The following KCNIP4 variants were observed in gnomAD, a reference collection of about 807,000 sequenced individuals.
KCNIP4 encodes the protein Kv channel-interacting protein 4.
A neutral mutation model predicts 34.0 loss-of-function variants in KCNIP4; 12 were observed. The observed-to-expected ratio is 0.35, with a 90% CI of 0.23 to 0.57. The LOEUF (loss-of-function observed/expected upper bound fraction) is 0.57, where lower values mean the gene tolerates loss of function less well. Among genes scored for constraint, KCNIP4 ranks in the 20% least tolerant of loss-of-function variants. The probability of loss-of-function intolerance (pLI) is 0.83; values close to 1 mark genes in which losing one functional copy is unlikely to be tolerated. For missense variants in KCNIP4, 238 were observed against 311.7 expected, an observed-to-expected ratio of 0.76 and a Z score of 1.78; for synonymous variants, 124 against 102.2, an observed-to-expected ratio of 1.21 and a Z score of -1.29.
intron 1 of KCNIP4, among the ~76,000 whole-genome samples, chr4:21,708,197 C>T (rs1713440710): frequency 6.6e-6 from 1 of 152,026 alleles, no homozygotes; most frequent in Admixed American, 6.6e-5. Flanking sequence ...AAATACTACC[C>T]TACAATTATA....
chr4:21,322,147 G>GAA (rs1714559567), intron 1 of KCNIP4, among the ~76,000 whole-genome samples: 1 of 113,966 alleles, frequency 8.8e-6, no homozygotes, highest in African/African-American at 3.5e-5. Context: ...GAGGGAGGGA[G>GAA]GGACAGAAGG....
intron 1 of KCNIP4, among the ~76,000 whole-genome samples, chr4:21,706,504 A>G (rs977846884): frequency 6.6e-6 from 1 of 152,172 alleles, no homozygotes; most frequent in African/African-American, 2.4e-5. Context: ...TCCTAATTGC[A>G]TTTTGGAGGA....
intron 7 of KCNIP4, 107 bp downstream of exon 7, chr4:20,732,574 T>C (rs1748584983): frequency 4.1e-6 from 3 of 733,000 alleles, no homozygotes; most frequent in Non-Finnish European, 7.2e-6. Context: ...TTTGTTTCAG[T>C]AAAAATTATT....
chr4:20,864,043 C>CAT (rs557688049), intron 2 of KCNIP4, among the ~76,000 whole-genome samples: 23 of 95,694 alleles, frequency 2.4e-4, no homozygotes, highest in Admixed American at 4.7e-4. Flanking sequence ...TGTATGTATA[C>CAT]GCATGTATGT....
At chr4:21,838,252 A>G (rs1240707997) in intron 1 of KCNIP4, among the ~76,000 whole-genome samples, 1 of 152,158 alleles carries the variant, frequency 6.6e-6, no homozygotes, top group Non-Finnish European at 1.5e-5. Context: ...AACCCCCTGA[A>G]AGTGACATCA....
chr4:21,843,391 C>T (rs1437731409), intron 1 of KCNIP4: 1 of 152,010 alleles, frequency 6.6e-6, no homozygotes, highest in Non-Finnish European at 1.5e-5. Context: ...GGGTTTAAGA[C>T]ATGTTAGCCC....
chr4:21,740,255 C>T (rs1716304676), intron 1 of KCNIP4, among the ~76,000 whole-genome samples: 1 of 151,970 alleles, frequency 6.6e-6, no homozygotes, highest in African/African-American at 2.4e-5. Context: ...TATATATGCA[C>T]AGTAAACAAG....
intron 1 of KCNIP4, among the ~76,000 whole-genome samples, chr4:21,500,528 A>AT (rs1401883102): frequency 6.6e-6 from 1 of 152,178 alleles, no homozygotes; most frequent in African/African-American, 2.4e-5. Flanking sequence ...TCCAATCACG[A>AT]TTTTTTAGTT....
intron 1 of KCNIP4, among the ~76,000 whole-genome samples, chr4:21,671,781 G>A (rs185523243): frequency 7.9e-5 from 12 of 152,156 alleles, no homozygotes; most frequent in Middle Eastern, 3.4e-3. Context: ...AAATCCTAAC[G>A]GCTTGCAAGA....
chr4:21,090,647 G>A (rs1201594354), intron 1 of KCNIP4, among the ~76,000 whole-genome samples: 3 of 152,116 alleles, frequency 2.0e-5, no homozygotes, highest in Admixed American at 6.5e-5. Context: ...TTAAGTCACA[G>A]ATTGTTTCAT....
At chr4:21,404,075 G>T (rs1004959423) in intron 1 of KCNIP4, among the ~76,000 whole-genome samples, 1 of 152,296 alleles carries the variant, frequency 6.6e-6, no homozygotes, top group Non-Finnish European at 1.5e-5. Context: ...TTCCTTGAAT[G>T]CTCCAAGCAC....
chr4:20,812,319 C>A (rs1308446294), intron 3 of KCNIP4, among the ~76,000 whole-genome samples: 1 of 151,898 alleles, frequency 6.6e-6, no homozygotes, highest in Non-Finnish European at 1.5e-5. Context: ...GGAATGAGAC[C>A]AGGAGGGCAG....
At chr4:21,470,716 C>G (rs1730387513) in intron 1 of KCNIP4, among the ~76,000 whole-genome samples, 1 of 151,978 alleles carries the variant, frequency 6.6e-6, no homozygotes, top group Non-Finnish European at 1.5e-5. Flanking sequence ...AATTACAACC[C>G]CAAAGAGCTT....
In KCNIP4 at chr4:21,948,608, G is replaced by A; in HGVS notation, c.24C>T (p.Ser8=). 6.2e-7 allele frequency: 1 copy of A among 1,613,638 alleles called. No individual in the cohort carries two copies. The highest frequency in any genetic ancestry group is 1.3e-5 in the African/African-American group (1 of 75,022). MNVRRVE[S]ISAQLEEASS... The stretch of plus-strand genomic sequence containing the variant: ...TGGCCTCCTCCAGCTGAGCCGAAAT[G>A]CTTTCCACCCTCCTCACATTCATGT... Residue 8 remains serine, a synonymous_variant, in exon 1 of 9, where the codon AGC becomes AGT. Coordinates refer to ENST00000382152, the MANE Select transcript of KCNIP4 (RefSeq NM_025221.6).
In KCNIP4 at chr4:21,411,988, G is replaced by A. The variant is rs564856392; in HGVS notation, c.62-529279C>T. Among the ~76,000 whole-genome samples, 130 of 152,314 alleles carry A rather than the reference G, an allele frequency of 8.5e-4. 1 individual carries two copies. The highest frequency in any genetic ancestry group is 1.2e-3 in the Admixed American group (18 of 15,306). On this transcript the variant is annotated intron_variant, in intron 1 of 8. Coordinates refer to ENST00000382152, the MANE Select transcript of KCNIP4 (RefSeq NM_025221.6). ...CAAAGGAGGAAGAGGAAGAGCTACA[G>A]TGTACTGAAACAAATTATCCCCACG...
intron 1 of KCNIP4, among the ~76,000 whole-genome samples, chr4:21,462,835 T>C (rs1296694943): frequency 6.6e-6 from 1 of 151,738 alleles, no homozygotes; most frequent in Non-Finnish European, 1.5e-5. Context: ...TTGTATACCA[T>C]ATATATGCCA....
chr4:21,731,665 T>G (rs906832966), intron 1 of KCNIP4, among the ~76,000 whole-genome samples: 1 of 152,178 alleles, frequency 6.6e-6, no homozygotes, highest in African/African-American at 2.4e-5. Flanking sequence ...CAATCAAAGT[T>G]TGCACCATTA....
At chr4:21,375,686 C>T (rs1720896387) in intron 1 of KCNIP4, among the ~76,000 whole-genome samples, 1 of 151,992 alleles carries the variant, frequency 6.6e-6, no homozygotes, top group South Asian at 2.1e-4. Context: ...CTTGCCTCAG[C>T]CTCCCGAGTA....
At chr4:21,260,588 G>T (rs1410870376) in intron 1 of KCNIP4, among the ~76,000 whole-genome samples, 1 of 152,070 alleles carries the variant, frequency 6.6e-6, no homozygotes, top group Admixed American at 6.6e-5. Flanking sequence ...TTTTCTTAAT[G>T]CCTTCAATTA....
Sources: gnomAD v4.1 joint callset for allele counts (sites outside exome capture counted in the v4.1 genomes callset) on GRCh38, gnomAD v4.1.1 for gene constraint, MANE v1.5 for transcripts, NCBI Gene and HGNC (gene_info 2026-07-23, HGNC 2026-07-21) for gene names.